Variants in SLC47A2 observed in about 807,000 individuals in gnomAD.
SLC47A2 encodes solute carrier family 47 member 2.
SLC47A2 carries 52 observed loss-of-function variants against 67.7 expected under a neutral mutation model. The observed-to-expected ratio is 0.77, with a 90% CI of 0.61 to 0.97. SLC47A2 has a LOEUF of 0.97. Among genes scored for constraint, SLC47A2 ranks in the 50% least tolerant of loss-of-function variants. The probability of loss-of-function intolerance (pLI) is 0.00; values close to 1 mark genes in which losing one functional copy is unlikely to be tolerated. For synonymous variants in SLC47A2, 278 were observed against 292.9 expected, an observed-to-expected ratio of 0.95 and a Z score of 0.52; for missense variants, 676 against 712.3, an observed-to-expected ratio of 0.95 and a Z score of 0.58.
chr17:19,713,862 T>C lies in SLC47A2; in HGVS notation c.406A>G (p.Ile136Val). 1 of 1,613,496 alleles carries C rather than the reference T, an allele frequency of 6.2e-7. No individual in the cohort carries two copies. Among genetic ancestry groups the C allele is most frequent in the East Asian group, 2.2e-5 (1 of 44,852 alleles). Residue 136 changes from isoleucine to valine, a missense_variant, in exon 4 of 17, where the codon ATC becomes GTC. Ile to Val is a conservative substitution (Grantham distance 29). Coordinates refer to ENST00000433844, the MANE Select transcript of SLC47A2 (RefSeq NM_001099646.3). ...GGGTCCTGCCGGAAGAGCAGCAGGA[T>C]GTGCTGGGTGTTGAGGAAGAGCGCC... ...CWALFLNTQH[I>V]LLLFRQDPDV...
At position 19,678,798 on chromosome 17, in the gene SLC47A2, G is replaced by A. The variant is rs757417064; in HGVS notation, c.1589C>T (p.Thr530Ile). ...CAGCTGTTTCACTGATAGTCTGCTG[G>A]TAGGAGCTGAAAGGGCGTGGGCCTC... The part of the protein sequence containing the change: ...PEEAHALSAP[T>I]SRLSVKQLVI... The change falls in exon 17 of 17, where the codon ACC becomes ATC. Residue 530 changes from threonine (T) to isoleucine (I), a missense_variant. Coordinates refer to ENST00000433844, the MANE Select transcript of SLC47A2 (RefSeq NM_001099646.3). The A allele has an allele frequency of 5.0e-6, 8 of 1,614,240 alleles. No homozygotes were observed. Among genetic ancestry groups the A allele is most frequent in the Non-Finnish European group, 3.4e-6 (4 of 1,180,038 alleles).
intron 13 of SLC47A2, among the ~76,000 whole-genome samples, chr17:19,690,076 C>T (rs576443198): frequency 2.0e-5 from 3 of 152,098 alleles, no homozygotes; most frequent in Non-Finnish European, 4.4e-5. Context: ...AATAGACACA[C>T]AGACTAATGG....
chr17:19,715,692 G>GTTTTGTTTT (rs1160075350), intron 1 of SLC47A2: 1 of 86,652 alleles, frequency 1.2e-5, no homozygotes, highest in Non-Finnish European at 2.5e-5. Context: ...CTCCTTTTTG[G>GTTTTGTTTT]TTTTGTTTTT....
At chr17:19,695,884 C>A (rs1206387358) in intron 13 of SLC47A2, among the ~76,000 whole-genome samples, 3 of 151,738 alleles carry the variant, frequency 2.0e-5, no homozygotes, top group African/African-American at 4.8e-5. Flanking sequence ...CCATCACGCC[C>A]AGCTAATTTT....
intron 5 of SLC47A2, among the ~76,000 whole-genome samples, chr17:19,710,971 G>A (rs963086464): frequency 1.1e-4 from 16 of 151,474 alleles, no homozygotes; most frequent in South Asian, 2.1e-4. Flanking sequence ...CACCACACCC[G>A]GCTAATTTTG....
intron 13 of SLC47A2, among the ~76,000 whole-genome samples, chr17:19,696,627 T>TATAA (rs2085671473): frequency 6.6e-6 from 1 of 152,102 alleles, no homozygotes; most frequent in Admixed American, 6.6e-5. Context: ...TCAAAGGAAG[T>TATAA]ATAAGTATGA....
intron 5 of SLC47A2, 55 bp from the exon 6 acceptor site, chr17:19,708,815 T>G: frequency 6.3e-7 from 1 of 1,594,756 alleles, no homozygotes; most frequent in Non-Finnish European, 8.6e-7. Flanking sequence ...ACTCACCAAA[T>G]GAGCATTAAC....
intron 15 of SLC47A2, among the ~76,000 whole-genome samples, chr17:19,680,575 T>C (rs2085291110): frequency 2.0e-5 from 3 of 152,168 alleles, no homozygotes. Context: ...CACACCCTGA[T>C]AGGATTCAGG....
chr17:19,701,003 A>C lies in SLC47A2; in HGVS notation c.1164+1602T>G, dbSNP rs1277423409. Among the ~76,000 whole-genome samples, 8 of 151,452 alleles carry C rather than the reference A, an allele frequency of 5.3e-5. No homozygotes were observed. In the East Asian group the frequency reaches 1.4e-3, roughly 26 times the overall value. ...GCCAACATGGTGAAACCCTGTCTCT[A>C]CTAAAAATACAAAAATTAGCCAGGC... is the stretch of plus-strand genomic sequence containing the variant. On this transcript the variant is annotated intron_variant, in intron 13 of 16. Transcript: ENST00000433844.
intron 10 of SLC47A2, chr17:19,704,821 G>GT (rs1451101391): frequency 1.3e-4 from 54 of 418,512 alleles, no homozygotes; most frequent in South Asian, 5.6e-4. Flanking sequence ...GATGGAATGT[G>GT]CTTTTTTTTT....
At chr17:19,682,560 C>G (rs1483703280) in intron 13 of SLC47A2, among the ~76,000 whole-genome samples, 4 of 152,164 alleles carry the variant, frequency 2.6e-5, no homozygotes, top group African/African-American at 9.7e-5. Context: ...AGCCTCACAT[C>G]TCCTCTGACT....
chr17:19,713,706 A>T (rs1438146528), intron 4 of SLC47A2, 119 bp downstream of exon 4: 2 of 1,388,498 alleles, frequency 1.4e-6, no homozygotes, highest in East Asian at 2.4e-5. Flanking sequence ...GGCACCGTGC[A>T]CTGTGAGCAC....
intron 4 of SLC47A2, among the ~76,000 whole-genome samples, chr17:19,713,407 AATAATAATC>A (rs1184669943): frequency 7.6e-5 from 11 of 143,896 alleles, no homozygotes; most frequent in African/African-American, 1.4e-4. Flanking sequence ...TAATAATAAT[AATAATAATC>A]ATCATCATCA....
chr17:19,705,581 T>C (rs2085911275), intron 9 of SLC47A2, 78 bp from the exon 10 acceptor site: 2 of 1,413,470 alleles, frequency 1.4e-6, no homozygotes, highest in African/African-American at 3.0e-5. Context: ...GCTGCTTTGC[T>C]TTGGGGACTC....
chr17:19,684,836 G>A (rs966990802), intron 13 of SLC47A2, among the ~76,000 whole-genome samples: 2 of 151,740 alleles, frequency 1.3e-5, no homozygotes, highest in Admixed American at 6.6e-5. Context: ...TCTCCCTCCC[G>A]CTCTTGCTCT....
At chr17:19,699,650 ACCT>A (rs1414237079) in intron 13 of SLC47A2, among the ~76,000 whole-genome samples, 4 of 151,744 alleles carry the variant, frequency 2.6e-5, no homozygotes, top group African/African-American at 9.7e-5. Flanking sequence ...TGATCCTCCC[ACCT>A]CAGCCTCCCA....
chr17:19,709,750 C>G (rs1597635369), intron 5 of SLC47A2, among the ~76,000 whole-genome samples: 1 of 152,218 alleles, frequency 6.6e-6, no homozygotes, highest in Non-Finnish European at 1.5e-5. Context: ...TGGCAATTAA[C>G]TTTTGCAGCT....
intron 11 of SLC47A2, 114 bp downstream of exon 11, chr17:19,703,956 T>C (rs2152350875): frequency 2.7e-6 from 2 of 742,726 alleles, no homozygotes; most frequent in East Asian, 6.4e-5. Context: ...GCTTGGAAGA[T>C]AAACCTGGCA....
At chr17:19,694,548 GC>G (rs1430723676) in intron 13 of SLC47A2, among the ~76,000 whole-genome samples, 1 of 152,172 alleles carries the variant, frequency 6.6e-6, no homozygotes, top group Non-Finnish European at 1.5e-5. Context: ...AACAAATGGT[GC>G]CAGGACAATT....
Sources: gnomAD v4.1 joint callset for allele counts (sites outside exome capture counted in the v4.1 genomes callset) on GRCh38, gnomAD v4.1.1 for gene constraint, MANE v1.5 for transcripts, NCBI Gene and HGNC (gene_info 2026-07-23, HGNC 2026-07-21) for gene names.